The following IGF1R variants were observed in gnomAD, a reference collection of about 807,000 sequenced individuals.
The protein encoded by IGF1R is insulin like growth factor 1 receptor.
Under a neutral mutation model 144.6 loss-of-function variants are expected in IGF1R, and 44 were observed. The observed-to-expected ratio is 0.30, with a 90% CI of 0.24 to 0.39. IGF1R has a LOEUF of 0.39. Ranked by LOEUF, IGF1R falls within the 10% of genes least tolerant of loss-of-function variation. The pLI, the probability that IGF1R is intolerant of heterozygous loss-of-function variation, is 1.00. For synonymous variants in IGF1R, 795 were observed against 722.8 expected, an observed-to-expected ratio of 1.10 and a Z score of -1.60; for missense variants, 1,355 against 1,833.7, an observed-to-expected ratio of 0.74 and a Z score of 4.77.
At chr15:98,851,635 C>T (rs965741751) in intron 2 of IGF1R, among the ~76,000 whole-genome samples, 2 of 152,190 alleles carry the variant, frequency 1.3e-5, no homozygotes, top group African/African-American at 4.8e-5. Context: ...GGGGAAGCAG[C>T]ACTTCCCGCT....
intron 2 of IGF1R, among the ~76,000 whole-genome samples, chr15:98,866,374 C>G (rs1443963780): frequency 6.6e-6 from 1 of 152,218 alleles, no homozygotes; most frequent in Admixed American, 6.5e-5. Context: ...GGTTTATTTT[C>G]TCATCACCTT....
intron 18 of IGF1R, among the ~76,000 whole-genome samples, chr15:98,941,317 G>T (rs539880259): frequency 6.6e-6 from 1 of 152,320 alleles, no homozygotes; most frequent in Admixed American, 6.5e-5. Context: ...CCGGGCACAT[G>T]GGGGGAACTC....
intron 2 of IGF1R, among the ~76,000 whole-genome samples, chr15:98,847,738 C>G (rs570478700): frequency 6.6e-6 from 1 of 152,284 alleles, no homozygotes; most frequent in African/African-American, 2.4e-5. Context: ...TTTATTCCCC[C>G]CTTTACTTTC....
intron 2 of IGF1R, among the ~76,000 whole-genome samples, chr15:98,731,144 A>T (rs2054488176): frequency 6.6e-6 from 1 of 152,206 alleles, no homozygotes; most frequent in Non-Finnish European, 1.5e-5. Context: ...GCCATTTTGA[A>T]ATGTTACCGT....
chr15:98,921,812 T>A (rs1175433056), intron 10 of IGF1R, among the ~76,000 whole-genome samples: 1 of 152,064 alleles, frequency 6.6e-6, no homozygotes, highest in Non-Finnish European at 1.5e-5. Flanking sequence ...AACCATAAGG[T>A]CTGTGACCAG....
chr15:98,958,173 C>T lies in IGF1R; in HGVS notation c.*731C>T. Reference sequence around the variant, plus strand: ...CCATCCGACTGCCCCTGCTGTGCTGCTCAAGGCCACAGGCACACAGGTCTC... The same window carrying T: ...CCATCCGACTGCCCCTGCTGTGCTGTTCAAGGCCACAGGCACACAGGTCTC... On this transcript the variant is annotated 3_prime_UTR_variant, in exon 21 of 21. Transcript: ENST00000650285. 1 of 233,240 alleles carries T rather than the reference C, an allele frequency of 4.3e-6. No individual in the cohort carries two copies. Among genetic ancestry groups the T allele is most frequent in the East Asian group, 6.1e-5 (1 of 16,510 alleles). The allele number at this position is 233,240 out of a possible 1,614,324, so 14.4% of individuals were successfully genotyped here.
intron 2 of IGF1R, among the ~76,000 whole-genome samples, chr15:98,769,087 A>C (rs2055518120): frequency 6.6e-6 from 1 of 152,260 alleles, no homozygotes; most frequent in African/African-American, 2.4e-5. Flanking sequence ...TTGACATAAA[A>C]TCTCTAAATC....
At chr15:98,769,833 TCTTG>T (rs1368358159) in intron 2 of IGF1R, among the ~76,000 whole-genome samples, 2 of 152,256 alleles carry the variant, frequency 1.3e-5, no homozygotes, top group East Asian at 3.9e-4. Flanking sequence ...TAGCTGTTTG[TCTTG>T]CTTATTTAAA....
At chr15:98,771,948 G>A (rs2055596893) in intron 2 of IGF1R, among the ~76,000 whole-genome samples, 1 of 151,538 alleles carries the variant, frequency 6.6e-6, no homozygotes, top group African/African-American at 2.4e-5. Context: ...TAATCTTGTA[G>A]CAGCATGAGA....
In IGF1R at chr15:98,911,429, A is replaced by T; in HGVS notation, c.1577A>T (p.Tyr526Phe). The T allele has an allele frequency of 6.2e-7, 1 of 1,614,178 alleles. No homozygotes were observed. The highest frequency in any genetic ancestry group is 2.2e-5 in the East Asian group (1 of 44,882). The change falls in exon 7 of 21, where the codon TAC becomes TTC. Residue 526 changes from tyrosine to phenylalanine, a missense_variant. By Grantham distance (22) the Tyr-to-Phe change is conservative. This residue lies in a region of IGF1R where 880 missense variants were observed against 1,202.7 expected (regional missense o/e 0.73). Coordinates refer to ENST00000650285, the MANE Select transcript of IGF1R (RefSeq NM_000875.5). ...DYRDLISFTV[Y>F]YKEAPFKNVT... ...AGGGATCTCATCAGCTTCACCGTTT[A>T]CTACAAGGAAGCGTGAGTTTCTGCT...
At chr15:98,888,438 A>AGTGTGTGTGTGTGTGT (rs1191582086) in intron 2 of IGF1R, among the ~76,000 whole-genome samples, 15 of 143,454 alleles carry the variant, frequency 1.0e-4, no homozygotes, top group East Asian at 1.0e-3. Flanking sequence ...AGAGAGAGAG[A>AGTGTGTGTGTGTGTGT]GTGTGTGTGT....
intron 1 of IGF1R, among the ~76,000 whole-genome samples, chr15:98,672,166 T>G (rs2052909655): frequency 6.6e-6 from 1 of 152,186 alleles, no homozygotes; most frequent in Non-Finnish European, 1.5e-5. Flanking sequence ...GTAAAAGAAT[T>G]GGGAATATTT....
chr15:98,883,209 G>A (rs1294979900), intron 2 of IGF1R, among the ~76,000 whole-genome samples: 4 of 152,296 alleles, frequency 2.6e-5, no homozygotes, highest in East Asian at 1.9e-4. Context: ...TTTGCCGTGC[G>A]TAGCTGATTC....
At chr15:98,852,366 G>A (rs1192091235) in intron 2 of IGF1R, among the ~76,000 whole-genome samples, 1 of 152,178 alleles carries the variant, frequency 6.6e-6, no homozygotes, top group Non-Finnish European at 1.5e-5. Flanking sequence ...CCGCCGCCGT[G>A]GACCAAGGTT....
chr15:98,761,776 C>G (rs1323376281), intron 2 of IGF1R, among the ~76,000 whole-genome samples: 1 of 152,198 alleles, frequency 6.6e-6, no homozygotes, highest in African/African-American at 2.4e-5. Context: ...CCTTTCAGGT[C>G]CCATTCAGTC....
chr15:98,650,541 C>T (rs530739749), intron 1 of IGF1R, among the ~76,000 whole-genome samples: 248 of 152,350 alleles, frequency 1.6e-3, no homozygotes, highest in Non-Finnish European at 2.9e-3. Flanking sequence ...ACTAGGGCCG[C>T]ATCCGAGTGT....
chr15:98,715,137 A>C (rs570137430), intron 2 of IGF1R, among the ~76,000 whole-genome samples: 1 of 152,140 alleles, frequency 6.6e-6, no homozygotes, highest in African/African-American at 2.4e-5. Context: ...CCTCATTGCT[A>C]TGCCTTTTAT....
chr15:98,651,005 A>G (rs982917247), intron 1 of IGF1R: 32 of 985,338 alleles, frequency 3.2e-5, no homozygotes, highest in Non-Finnish European at 3.7e-5. Context: ...GGTACATTCA[A>G]GATGGTAGGG....
intron 2 of IGF1R, among the ~76,000 whole-genome samples, chr15:98,721,269 G>A (rs2141280993): frequency 6.6e-6 from 1 of 152,296 alleles, no homozygotes; most frequent in East Asian, 1.9e-4. Flanking sequence ...TGGTTTCTCT[G>A]TACTTTTTAT....
Sources: allele counts gnomAD v4.1 joint callset (sites outside exome capture counted in the v4.1 genomes callset), GRCh38; gene constraint gnomAD v4.1.1; regional missense constraint gnomAD v4.1.1; transcripts MANE v1.5; gene names NCBI Gene and HGNC (gene_info 2026-07-23, HGNC 2026-07-21).